NLK: variants seen among roughly 807,000 people sequenced by gnomAD.
NLK encodes the protein serine/threonine-protein kinase NLK.
In NLK, 11 loss-of-function variants were observed where a neutral mutation model predicts 59.0. The observed-to-expected ratio is 0.19, with a 90% confidence interval of 0.12 to 0.31. The LOEUF (loss-of-function observed/expected upper bound fraction) is 0.31, where lower values mean the gene tolerates loss of function less well. Ranked by LOEUF, NLK falls within the 10% of genes least tolerant of loss-of-function variation. The pLI, the probability that NLK is intolerant of heterozygous loss-of-function variation, is 1.00. For missense variants in NLK, 410 were observed against 661.1 expected (o/e 0.62, Z 4.16); for synonymous variants, 235 against 235.9 (o/e 1.00, Z 0.03).
At chr17:28,146,343 A>T (rs1907247509) in intron 3 of NLK, among the ~76,000 whole-genome samples, 1 of 151,862 alleles carries the variant, frequency 6.6e-6, no homozygotes. Context: ...TTGATGTTTT[A>T]AAAAAAACTC....
At chr17:28,066,310 T>C (rs1909821829) in intron 1 of NLK, among the ~76,000 whole-genome samples, 1 of 152,216 alleles carries the variant, frequency 6.6e-6, no homozygotes, top group Non-Finnish European at 1.5e-5. Context: ...TTTCATTTAT[T>C]CACAGTCCAC....
At chr17:28,137,501 T>C (rs1906805947) in intron 3 of NLK, among the ~76,000 whole-genome samples, 1 of 152,138 alleles carries the variant, frequency 6.6e-6, no homozygotes. Context: ...ATTCAAGTTT[T>C]AATAGACAAA....
intron 1 of NLK, among the ~76,000 whole-genome samples, chr17:28,067,136 A>G (rs1909854128): frequency 6.6e-6 from 1 of 152,188 alleles, no homozygotes; most frequent in South Asian, 2.1e-4. Context: ...TTTTCAGATC[A>G]TAACTTTTGG....
chr17:28,082,085 G>C (rs1020326149), intron 1 of NLK, among the ~76,000 whole-genome samples: 2 of 152,076 alleles, frequency 1.3e-5, no homozygotes, highest in Non-Finnish European at 2.9e-5. Flanking sequence ...GTAGAGATGG[G>C]GTTTTGCTAT....
the NLK span, among the ~76,000 whole-genome samples, chr17:28,203,778 C>G: frequency 1.3e-5 from 2 of 152,196 alleles, no homozygotes. Flanking sequence ...CTCAGGTGAT[C>G]CACCTGCCTC....
chr17:28,108,450 T>A (rs781268674), intron 1 of NLK, among the ~76,000 whole-genome samples: 7 of 152,136 alleles, frequency 4.6e-5, no homozygotes, highest in Non-Finnish European at 7.4e-5. Context: ...GAAATTAAAC[T>A]ATCAGAATTC....
chr17:28,067,995 G>A (rs1052280456), intron 1 of NLK, among the ~76,000 whole-genome samples: 11 of 151,852 alleles, frequency 7.2e-5, no homozygotes, highest in Non-Finnish European at 1.3e-4. Context: ...ACAAAAATTA[G>A]CAGGGCATGG....
At chr17:28,102,364 T>A (rs1251603268) in intron 1 of NLK, among the ~76,000 whole-genome samples, 1 of 151,922 alleles carries the variant, frequency 6.6e-6, no homozygotes, top group African/African-American at 2.4e-5. Context: ...TAGAAAAAAG[T>A]TTTTGGCCAG....
chr17:28,150,311 C>A (rs186223475), intron 3 of NLK, among the ~76,000 whole-genome samples: 2 of 152,240 alleles, frequency 1.3e-5, no homozygotes. Context: ...TTCATAGAAA[C>A]CTGCTTATGG....
rs1210231697 is a variant in NLK at position 28,042,880 on chromosome 17, C to G, written c.7C>G (p.Leu3Val). ...CAAAGGGCATTTATTTTGAATGTCTCTTTGTGGCGCAAGAGCCAACGCAAA... is the reference window on the plus strand; with the variant it reads ...CAAAGGGCATTTATTTTGAATGTCTGTTTGTGGCGCAAGAGCCAACGCAAA... The part of the protein sequence containing the change: MS[L>V]CGARANAKMM... The change falls in exon 1 of 11, where the codon CTT (leucine) becomes GTT (valine). Residue 3 changes from leucine to valine, a missense_variant. By Grantham distance (32) the Leu-to-Val change is conservative. Coordinates refer to ENST00000407008, the MANE Select transcript of NLK (RefSeq NM_016231.5). 5.7e-5 allele frequency: 86 copies of G among 1,503,098 alleles called. No individual in the cohort carries two copies. Among genetic ancestry groups the G allele is most frequent in the Non-Finnish European group, 7.6e-5 (85 of 1,118,148 alleles). 93.1% of individuals were successfully genotyped at this position (1,503,098 alleles called of 1,614,324 possible).
At chr17:28,201,526 A>T in the NLK span, among the ~76,000 whole-genome samples, 1 of 151,720 alleles carries the variant, frequency 6.6e-6, no homozygotes, top group East Asian at 1.9e-4. Context: ...CCCAGGCGAC[A>T]GTGAGATTCC....
intron 1 of NLK, among the ~76,000 whole-genome samples, chr17:28,103,439 T>C (rs1218198453): frequency 6.6e-6 from 1 of 152,250 alleles, no homozygotes; most frequent in African/African-American, 2.4e-5. Flanking sequence ...TATATTTGTG[T>C]GTTTATATAT....
chr17:28,146,565 C>T (rs1907263747), intron 3 of NLK, among the ~76,000 whole-genome samples: 1 of 152,118 alleles, frequency 6.6e-6, no homozygotes, highest in East Asian at 1.9e-4. Flanking sequence ...ATTTAACTTG[C>T]CTAATGTTAT....
At chr17:28,118,130 G>T (rs562955946) in intron 1 of NLK, among the ~76,000 whole-genome samples, 1 of 152,120 alleles carries the variant, frequency 6.6e-6, no homozygotes, top group South Asian at 2.1e-4. Flanking sequence ...TCTGAAACAG[G>T]CAATCTAAAT....
chr17:28,046,790 T>A lies in NLK; in HGVS notation c.458+3459T>A, dbSNP rs147079490. Among the ~76,000 whole-genome samples, 23 of 152,264 alleles carry A rather than the reference T, an allele frequency of 1.5e-4. No homozygotes were observed. The East Asian group carries it at 4.2e-3, about 28-fold the overall frequency. On this transcript the variant is annotated intron_variant, in intron 1 of 10. Coordinates refer to ENST00000407008, the MANE Select transcript of NLK (RefSeq NM_016231.5). ...TTTTTGACATTGGCAACTTAACATA[T>A]CAGAGATGGAATTAATGGCACATAT...
intron 1 of NLK, among the ~76,000 whole-genome samples, chr17:28,104,911 TC>T (rs1314637886): frequency 7.2e-5 from 11 of 152,066 alleles, no homozygotes; most frequent in Non-Finnish European, 8.8e-5. Context: ...TAGTTCTAAA[TC>T]CATTTTATGG....
chr17:28,141,944 T>C (rs1019034102), intron 3 of NLK, among the ~76,000 whole-genome samples: 1 of 152,238 alleles, frequency 6.6e-6, no homozygotes, highest in Non-Finnish European at 1.5e-5. Flanking sequence ...TATGTACATA[T>C]GCATTTGCTT....
chr17:28,069,074 A>G (rs1476686976), intron 1 of NLK, among the ~76,000 whole-genome samples: 3 of 152,162 alleles, frequency 2.0e-5, no homozygotes, highest in Non-Finnish European at 4.4e-5. Flanking sequence ...TCTACCATGC[A>G]TCCCCCTCCC....
At chr17:28,169,728 T>C (rs1200100074) in intron 6 of NLK, among the ~76,000 whole-genome samples, 1 of 148,560 alleles carries the variant, frequency 6.7e-6, no homozygotes, top group African/African-American at 2.6e-5. Flanking sequence ...CTTCTTTTTT[T>C]TTTTTTTTTT....
Sources: allele counts gnomAD v4.1 joint callset (sites outside exome capture counted in the v4.1 genomes callset), GRCh38; gene constraint gnomAD v4.1.1; transcripts MANE v1.5; gene names NCBI Gene and HGNC (gene_info 2026-07-23, HGNC 2026-07-21).